Variants in TENM1 observed in about 807,000 individuals in gnomAD.
TENM1 encodes the protein teneurin transmembrane protein 1, also known as teneurin-1.
In TENM1, 35 loss-of-function variants were observed where a neutral mutation model predicts 174.8. The observed-to-expected ratio is 0.20, with a 90% CI of 0.15 to 0.27. The LOEUF is 0.27. TENM1 is among the 10% of genes least tolerant of loss of function. TENM1 has a pLI of 1.00. For missense variants in TENM1, 1,633 were observed against 2,130.1 expected (o/e 0.77, Z 4.59); for synonymous variants, 781 against 798.7 (o/e 0.98, Z 0.37).
At chrX:125,093,431 C>A in the TENM1 span, among the ~76,000 whole-genome samples, 2 of 111,578 alleles carry the variant, frequency 1.8e-5, no homozygotes, top group East Asian at 5.6e-4. Flanking sequence ...TCAACGTGCA[C>A]CAGAGGTGAT....
intron 4 of TENM1, among the ~76,000 whole-genome samples, chrX:124,720,907 T>C (rs1347882929): frequency 9.0e-6 from 1 of 111,678 alleles, no homozygotes; most frequent in Admixed American, 9.5e-5. Flanking sequence ...TCTCACTTGT[T>C]TGGGGACCTC....
At chrX:124,646,730 G>C (rs2051169770) in exon 9 of TENM1, 1 of 1,201,536 alleles carries the variant, frequency 8.3e-7, no homozygotes, top group Non-Finnish European at 1.1e-6. Context: ...TCAGGTCCAA[G>C]GAATCCTGGG....
At chrX:125,107,807 G>A in the TENM1 span, among the ~76,000 whole-genome samples, 1 of 111,857 alleles carries the variant, frequency 8.9e-6, no homozygotes, top group Non-Finnish European at 1.9e-5. Flanking sequence ...CAAGGAGAAT[G>A]TAAAATGTTT....
intron 5 of TENM1, among the ~76,000 whole-genome samples, chrX:124,672,169 A>G (rs1004204653): frequency 2.7e-5 from 3 of 111,541 alleles, no homozygotes; most frequent in African/African-American, 9.8e-5. Context: ...GTCATGTAAC[A>G]CTAGTTTCCA....
Position 124,753,932 on chromosome X carries a change from A to G in TENM1, c.536-16735T>C, listed in dbSNP as rs771337797. ...ATTTTTGCATCAATATTCATCAAGG[A>G]TATTGGTCTAAAATTCTCTTTTTTG... On this transcript the variant is annotated intron_variant, in intron 3 of 31. Transcript: ENST00000422452. 1.1e-4 allele frequency among the ~76,000 whole-genome samples: 12 copies of G among 111,592 alleles called. No individual in the cohort carries two copies. In the South Asian group the frequency reaches 4.6e-3, roughly 43 times the overall value.
chrX:124,477,566 A>T (rs773250410), intron 22 of TENM1, among the ~76,000 whole-genome samples: 24 of 110,814 alleles, frequency 2.2e-4, no homozygotes, highest in Admixed American at 4.8e-4. Flanking sequence ...AGTCTGACCA[A>T]CATGGTGAAA....
intron 11 of TENM1, among the ~76,000 whole-genome samples, chrX:124,606,402 C>T (rs920313733): frequency 1.8e-5 from 2 of 111,090 alleles, no homozygotes; most frequent in African/African-American, 6.5e-5. Context: ...CCTAAGTGTT[C>T]CATTTAGGAC....
intron 3 of TENM1, among the ~76,000 whole-genome samples, chrX:124,837,760 T>A (rs1029899047): frequency 1.8e-5 from 2 of 111,505 alleles, no homozygotes; most frequent in East Asian, 2.8e-4. Flanking sequence ...TGAAAAAATA[T>A]TTTAAATGCA....
intron 28 of TENM1, among the ~76,000 whole-genome samples, chrX:124,391,361 T>G (rs1458600275): frequency 8.9e-6 from 1 of 111,947 alleles, no homozygotes; most frequent in African/African-American, 3.2e-5. Flanking sequence ...GACATTGAGA[T>G]AGAGATCAAT....
intron 20 of TENM1, among the ~76,000 whole-genome samples, chrX:124,491,590 A>G (rs1373163046): frequency 9.0e-6 from 1 of 111,604 alleles, no homozygotes; most frequent in Non-Finnish European, 1.9e-5. Context: ...AATCTGCAGG[A>G]AACAGGCAAA....
chrX:124,936,297 A>G (rs1017987319), intron 1 of TENM1, among the ~76,000 whole-genome samples: 5 of 111,711 alleles, frequency 4.5e-5, no homozygotes, highest in African/African-American at 1.6e-4. Context: ...TTCGTGCCTT[A>G]TAGTCTTTGG....
chrX:124,421,014 G>A lies in TENM1; in HGVS notation c.4472-193C>T, dbSNP rs774547374. Among the ~76,000 whole-genome samples, 12 of 112,296 alleles carry A rather than the reference G, an allele frequency of 1.1e-4. No homozygotes were observed. The South Asian group carries it at 4.5e-3, about 42-fold the overall frequency. ...TTGTAATTCTTGAGTCAGTACCACT[G>A]CAGATGAACAGTAAGATCTAATTAT... On this transcript the variant is annotated intron_variant, in intron 24 of 31. Transcript: ENST00000422452.
chrX:124,745,942 GAGGGAGCCTCCTAAGA>G (rs1468488480), intron 3 of TENM1, among the ~76,000 whole-genome samples: 2 of 111,082 alleles, frequency 1.8e-5, no homozygotes, highest in Non-Finnish European at 3.8e-5. Flanking sequence ...ATGGGCTAGT[GAGGGAGCCTCCTAAGA>G]AGTATGAGCA....
chrX:124,759,374 C>G (rs1237736112), intron 3 of TENM1, among the ~76,000 whole-genome samples: 1 of 111,155 alleles, frequency 9.0e-6, no homozygotes, highest in South Asian at 3.8e-4. Flanking sequence ...TATTTGGTTA[C>G]ATAAGTTCTT....
rs759186890 is a variant in TENM1 at position 124,739,811 on chromosome X, G to A, written c.536-2614C>T. On this transcript the variant is annotated intron_variant, in intron 3 of 31. Transcript: ENST00000422452. ...TCTCCTGTATGCTGTATGACATTGA[G>A]CAAAGTACTGGGTACAGAGCAAGAT... 6.2e-5 allele frequency among the ~76,000 whole-genome samples: 7 copies of A among 112,221 alleles called. No homozygotes were observed. In the South Asian group the frequency reaches 2.6e-3, roughly 42 times the overall value.
chrX:124,595,862 C>G (rs2049878569), intron 11 of TENM1, among the ~76,000 whole-genome samples: 1 of 111,969 alleles, frequency 8.9e-6, no homozygotes, highest in Non-Finnish European at 1.9e-5. Context: ...TAACTTTCCA[C>G]TTTTTTAATA....
the TENM1 span, among the ~76,000 whole-genome samples, chrX:125,188,229 A>T: frequency 9.0e-6 from 1 of 110,727 alleles, no homozygotes; most frequent in African/African-American, 3.3e-5. Context: ...GCTACTTTGG[A>T]GGCTGAGGTG....
chrX:124,897,307 G>C (rs1349671006), intron 1 of TENM1, among the ~76,000 whole-genome samples: 3 of 111,602 alleles, frequency 2.7e-5, no homozygotes, highest in Non-Finnish European at 5.6e-5. Context: ...CTTAGATAAG[G>C]TAATCCGGAG....
chrX:125,124,854 C>T, the TENM1 span, among the ~76,000 whole-genome samples: 1 of 112,005 alleles, frequency 8.9e-6, no homozygotes, highest in Non-Finnish European at 1.9e-5. Context: ...AACTTCTCAG[C>T]CTCTTTTGAC....
Sources: allele counts gnomAD v4.1 joint callset (sites outside exome capture counted in the v4.1 genomes callset), GRCh38; gene constraint gnomAD v4.1.1; transcripts MANE v1.5; gene names NCBI Gene and HGNC (gene_info 2026-07-23, HGNC 2026-07-21).